The following L2HGDH variants were observed in gnomAD, a reference collection of about 807,000 sequenced individuals.
The protein encoded by L2HGDH is L-2-hydroxyglutarate dehydrogenase, mitochondrial.
L2HGDH carries 34 observed loss-of-function variants against 51.5 expected under a neutral mutation model. That is an observed-to-expected ratio of 0.66 (90% CI 0.50 to 0.88). L2HGDH has a LOEUF of 0.88. Among genes scored for constraint, L2HGDH ranks in the 40% least tolerant of loss-of-function variants. The pLI is 0.00. For missense variants in L2HGDH, 558 were observed against 571.9 expected (o/e 0.98, Z 0.25); for synonymous variants, 198 against 197.9 (o/e 1.00, Z -0.01).
At chr14:50,311,776 C>G (rs1456743951) in intron 1 of L2HGDH, among the ~76,000 whole-genome samples, 4 of 152,222 alleles carry the variant, frequency 2.6e-5, no homozygotes, top group Non-Finnish European at 4.4e-5. Context: ...ACGGGTTGTT[C>G]AAAGCCAGAG....
At chr14:50,252,418 C>T (rs1441281247) in intron 9 of L2HGDH, among the ~76,000 whole-genome samples, 2 of 152,036 alleles carry the variant, frequency 1.3e-5, no homozygotes, top group African/African-American at 4.8e-5. Context: ...GGAGTAAGTC[C>T]TTACTTATCA....
chr14:50,269,399 G>T, intron 6 of L2HGDH, 69 bp from the exon 7 acceptor site: 2 of 1,450,554 alleles, frequency 1.4e-6, no homozygotes, highest in Non-Finnish European at 1.9e-6. Flanking sequence ...GGAAAAACAG[G>T]TGATAGAAAA....
chr14:50,302,133 G>T lies in L2HGDH; in HGVS notation c.292C>A (p.His98Asn). ...HQTGHNSGVIHSGIYYKPESL... is the reference protein window; with the variant it reads ...HQTGHNSGVINSGIYYKPESL... The stretch of plus-strand genomic sequence containing the variant: ...TCAGGTTTATAATAAATTCCACTAT[G>T]TATGACACCACTGTTATGTCCAGTC... Residue 98 changes from histidine to asparagine, a missense_variant, in exon 3 of 10, where the codon CAT (histidine) becomes AAT (asparagine). His to Asn is a moderately conservative substitution (Grantham distance 68, BLOSUM62 1). Coordinates refer to ENST00000267436, the MANE Select transcript of L2HGDH (RefSeq NM_024884.3). 6.2e-7 allele frequency: 1 copy of T among 1,614,056 alleles called. No individual in the cohort carries two copies. The highest frequency in any genetic ancestry group is 1.3e-5 in the African/African-American group (1 of 75,020).
intron 9 of L2HGDH, among the ~76,000 whole-genome samples, chr14:50,255,693 T>A (rs572373350): frequency 2.0e-5 from 3 of 152,220 alleles, no homozygotes; most frequent in African/African-American, 7.2e-5. Context: ...GGCTAGAAAC[T>A]TTAAGCTTTA....
intron 6 of L2HGDH, among the ~76,000 whole-genome samples, chr14:50,275,512 T>C (rs1889929700): frequency 6.6e-6 from 1 of 152,256 alleles, no homozygotes; most frequent in Non-Finnish European, 1.5e-5. Flanking sequence ...CATGGTATTT[T>C]ACAGAGAAGC....
At chr14:50,311,901 C>T in intron 1 of L2HGDH, 110 bp downstream of exon 1, 1 of 1,453,174 alleles carries the variant, frequency 6.9e-7, no homozygotes, top group Non-Finnish European at 9.3e-7. Flanking sequence ...AGGACCCCAA[C>T]CTGCTCTCAC....
intron 3 of L2HGDH, among the ~76,000 whole-genome samples, chr14:50,298,631 G>C (rs1217092104): frequency 1.3e-5 from 2 of 152,164 alleles, no homozygotes; most frequent in Non-Finnish European, 2.9e-5. Context: ...CAAGGCTGCA[G>C]TGATCTGTGA....
intron 5 of L2HGDH, 35 bp downstream of exon 5, chr14:50,283,836 G>C (rs988019714): frequency 6.3e-7 from 1 of 1,596,134 alleles, no homozygotes; most frequent in African/African-American, 1.3e-5. Flanking sequence ...ATGGAGGGCT[G>C]ACTATATTCA....
rs530126081 is a variant in L2HGDH, at chr14:50,301,864, G to A, written c.408+153C>T. Among the ~76,000 whole-genome samples, 40 of 152,082 alleles carry A rather than the reference G, an allele frequency of 2.6e-4. 2 individuals are homozygous for A. Among genetic ancestry groups the A allele is most frequent in the African/African-American group, 9.2e-4 (38 of 41,480 alleles). ...ACTTTTATTTAGAAAATTACATAAC[G>A]TCACACCATCTTTTTTTAGTTATTC... On this transcript the variant is annotated intron_variant, in intron 3 of 9. Transcript: ENST00000267436.
chr14:50,262,482 G>A (rs1305295629), intron 9 of L2HGDH, among the ~76,000 whole-genome samples: 1 of 149,994 alleles, frequency 6.7e-6, no homozygotes, highest in Non-Finnish European at 1.5e-5. Flanking sequence ...AATATTTCAG[G>A]CTATCACAAG....
At position 50,242,828 on chromosome 14, in the gene L2HGDH, A is replaced by C. The variant is rs2139912846; in HGVS notation, c.*4230T>G. 1.0e-6 allele frequency: 1 copy of C among 985,468 alleles called. No homozygotes were observed. The highest frequency in any genetic ancestry group is 1.7e-5 in the African/African-American group (1 of 57,370). 61.0% of individuals were successfully genotyped at this position (985,468 alleles called of 1,614,324 possible). ...ATAGTGTATGCGCAGAAAGATGAGG[A>C]AACCTCTGACCAAGAAGTCTAGACA... On this transcript the variant is annotated 3_prime_UTR_variant, in exon 10 of 10. Transcript: ENST00000267436.
chr14:50,244,186 G>A lies in L2HGDH; in HGVS notation c.*2872C>T, dbSNP rs1362253819. 6.4e-6 allele frequency: 1 copy of A among 155,278 alleles called. No individual in the cohort carries two copies. Among genetic ancestry groups the A allele is most frequent in the African/African-American group, 2.4e-5 (1 of 41,380 alleles). The allele number at this position is 155,278 out of a possible 1,614,324, so 9.6% of individuals were successfully genotyped here. On this transcript the variant is annotated 3_prime_UTR_variant, in exon 10 of 10. Coordinates refer to ENST00000267436, the MANE Select transcript of L2HGDH (RefSeq NM_024884.3). Reference sequence around the variant, plus strand: ...ATAGCAGCATGATTTATAGTCCCTTGGGTATATACCCAGTAATGGGATGGC... The same window carrying A: ...ATAGCAGCATGATTTATAGTCCCTTAGGTATATACCCAGTAATGGGATGGC...
intron 3 of L2HGDH, among the ~76,000 whole-genome samples, chr14:50,296,491 T>C (rs945241211): frequency 6.8e-6 from 1 of 146,168 alleles, no homozygotes; most frequent in South Asian, 2.1e-4. Context: ...TTAGAAAATC[T>C]AGATGAACAA....
At chr14:50,293,553 A>T (rs60541915) in intron 4 of L2HGDH, among the ~76,000 whole-genome samples, 1 of 152,202 alleles carries the variant, frequency 6.6e-6, no homozygotes, top group Non-Finnish European at 1.5e-5. Context: ...GCATAAATTG[A>T]TAACATTAAG....
At chr14:50,296,868 T>G (rs2030089350) in intron 3 of L2HGDH, among the ~76,000 whole-genome samples, 1 of 152,126 alleles carries the variant, frequency 6.6e-6, no homozygotes, top group Admixed American at 6.5e-5. Context: ...TGCAAAACCC[T>G]GAACAAAATA....
Position 50,242,990 on chromosome 14 carries a change from A to G in L2HGDH, c.*4068T>C, listed in dbSNP as rs767997067. On this transcript the variant is annotated 3_prime_UTR_variant, in exon 10 of 10. Coordinates refer to ENST00000267436, the MANE Select transcript of L2HGDH (RefSeq NM_024884.3). ...AAAAGTAGGCCCTACAAACTCCCGTAGGCCAGGGCCTGGCAGTATACCCCA... is the reference window on the plus strand; with the variant it reads ...AAAAGTAGGCCCTACAAACTCCCGTGGGCCAGGGCCTGGCAGTATACCCCA... 1.4e-4 allele frequency: 138 copies of G among 985,360 alleles called. No individual in the cohort carries two copies. Among genetic ancestry groups the G allele is most frequent in the Non-Finnish European group, 1.6e-4 (133 of 829,962 alleles). 61.0% of individuals were successfully genotyped at this position (985,360 alleles called of 1,614,324 possible).
At chr14:50,260,153 C>A (rs1888937454) in intron 9 of L2HGDH, among the ~76,000 whole-genome samples, 1 of 152,074 alleles carries the variant, frequency 6.6e-6, no homozygotes, top group Non-Finnish European at 1.5e-5. Context: ...AGATTCCTCC[C>A]ACTCCCCATC....
intron 6 of L2HGDH, among the ~76,000 whole-genome samples, chr14:50,274,027 G>A (rs1595097542): frequency 1.3e-5 from 2 of 152,224 alleles, no homozygotes; most frequent in East Asian, 1.9e-4. Context: ...GAGGTGAGCC[G>A]AGATCGCGCT....
intron 5 of L2HGDH, among the ~76,000 whole-genome samples, chr14:50,282,889 A>G (rs535591897): frequency 5.9e-5 from 9 of 151,968 alleles, no homozygotes; most frequent in African/African-American, 2.2e-4. Context: ...AAAAATACAA[A>G]AATTGGGACG....
Sources: allele counts gnomAD v4.1 joint callset (sites outside exome capture counted in the v4.1 genomes callset), GRCh38; gene constraint gnomAD v4.1.1; transcripts MANE v1.5; gene names NCBI Gene and HGNC (gene_info 2026-07-23, HGNC 2026-07-21).